Variants in DNM1 observed in about 807,000 individuals in gnomAD.
DNM1 encodes dynamin-1.
A neutral mutation model predicts 104.6 loss-of-function variants in DNM1; 29 were observed. The observed-to-expected ratio is 0.28, with a 90% CI of 0.21 to 0.38. The LOEUF (loss-of-function observed/expected upper bound fraction) is 0.38. Ranked by LOEUF, DNM1 falls within the 10% of genes least tolerant of loss-of-function variation. DNM1 has a pLI of 1.00. For missense variants in DNM1, 640 were observed against 1,189.4 expected (o/e 0.54, Z 6.79); for synonymous variants, 445 against 475.8 (o/e 0.94, Z 0.84).
Position 128,253,017 on chromosome 9 carries a change from C to A in DNM1, c.2535-1637C>A. ...CACAGCATGTGTGTGCACGCCCGGG[C>A]GTGTGCGTGTGTGTGTCCCCCACCC... On this transcript the variant is annotated intron_variant, in intron 21 of 21. Coordinates refer to ENST00000372923, the MANE Select transcript of DNM1 (RefSeq NM_004408.4). This position sits in a 1 kb window ranked among gnomAD's most constrained non-coding sequence, Gnocchi z 5.9. 2 of 1,358,954 alleles carry A rather than the reference C, an allele frequency of 1.5e-6. No homozygotes were observed. The highest frequency in any genetic ancestry group is 1.0e-6 in the Non-Finnish European group (1 of 954,118). The allele number at this position is 1,358,954 out of a possible 1,614,324, so 84.2% of individuals were successfully genotyped here. A position where few individuals can be genotyped will look rare whatever the true frequency, so the allele number is the denominator to read the frequency against.
chr9:128,230,512 G>A (rs190205763), intron 10 of DNM1, among the ~76,000 whole-genome samples: 14 of 148,534 alleles, frequency 9.4e-5, no homozygotes, highest in African/African-American at 2.0e-4. Flanking sequence ...GTGCAATGGC[G>A]CAATCTCGGC....
At chr9:128,234,179 C>A in intron 11 of DNM1, 72 bp downstream of exon 11, 2 of 1,279,054 alleles carry the variant, frequency 1.6e-6, no homozygotes, top group Non-Finnish European at 2.1e-6. Flanking sequence ...CCACTCCTGG[C>A]CCTGGGGTTG....
chr9:128,251,089 A>G, intron 21 of DNM1, 149 bp downstream of exon 21: 1 of 668,932 alleles, frequency 1.5e-6, no homozygotes, highest in East Asian at 2.9e-5. Context: ...GAGCCACGCC[A>G]CGTGTGGCCG....
chr9:128,221,869 C>T (rs534588658), intron 6 of DNM1, among the ~76,000 whole-genome samples: 2 of 152,198 alleles, frequency 1.3e-5, no homozygotes, highest in East Asian at 3.9e-4. Context: ...CATTGCACTC[C>T]AGCCTGGGTG....
At chr9:128,221,033 CTT>C (rs1834984654) in intron 6 of DNM1, 6 of 128,114 alleles carry the variant, frequency 4.7e-5, no homozygotes, top group African/African-American at 2.1e-4. Context: ...CTCTTTCTTT[CTT>C]TCTCTCTTTC....
In DNM1 at chr9:128,222,187, T is replaced by C. The variant is rs767943937; in HGVS notation, c.850-10T>C. 1 of 1,609,636 alleles carries C rather than the reference T, an allele frequency of 6.2e-7. No homozygotes were observed. Among genetic ancestry groups the C allele is most frequent in the Non-Finnish European group, 8.5e-7 (1 of 1,177,486 alleles). On this transcript the variant is annotated splice_polypyrimidine_tract_variant and intron_variant, in intron 6 of 21. Coordinates refer to ENST00000372923, the MANE Select transcript of DNM1 (RefSeq NM_004408.4). This position sits in a 1 kb window ranked among gnomAD's most constrained non-coding sequence, Gnocchi z 7.8. ...TCTGTCCTCAACCCTTTCCTCACCC[T>C]TACCCCCAGCAACTGACGAACCACA...
In DNM1 at chr9:128,246,243, G is replaced by C. The variant is rs1836808264; in HGVS notation, c.1672-151G>C. On this transcript the variant is annotated intron_variant, in intron 15 of 21. Transcript: ENST00000372923. ...GTCGGCGGTGCCCAGGAGGCCTACG[G>C]TCCGTGGCCAGGCTTTTATCTAGCT... 37 of 638,966 alleles carry C rather than the reference G, an allele frequency of 5.8e-5. 1 individual carries two copies. Among genetic ancestry groups the C allele is most frequent in the South Asian group, 5.8e-4 (33 of 57,288 alleles). 39.6% of individuals were successfully genotyped at this position (638,966 alleles called of 1,614,324 possible). A position where few individuals can be genotyped will look rare whatever the true frequency, so the allele number is the denominator to read the frequency against.
At chr9:128,251,452 C>CTGGGA in intron 21 of DNM1, 1 of 267,262 alleles carries the variant, frequency 3.7e-6, no homozygotes, top group Non-Finnish European at 7.5e-6. Flanking sequence ...TGTCCAGCCA[C>CTGGGA]TGGCCCACAG....
intron 1 of DNM1, among the ~76,000 whole-genome samples, chr9:128,215,052 G>A (rs1205481147): frequency 8.5e-5 from 13 of 152,246 alleles, no homozygotes; most frequent in Non-Finnish European, 1.8e-4. Flanking sequence ...CGCCTACTAC[G>A]TGCGGGGCCT....
At chr9:128,217,697 G>A (rs373508318) in intron 1 of DNM1, among the ~76,000 whole-genome samples, 5 of 152,140 alleles carry the variant, frequency 3.3e-5, no homozygotes, top group Non-Finnish European at 5.9e-5. Context: ...GATTACAGGC[G>A]TGAGCCACCG....
intron 6 of DNM1, among the ~76,000 whole-genome samples, chr9:128,221,857 G>A (rs566263324): frequency 7.2e-5 from 11 of 152,154 alleles, no homozygotes; most frequent in African/African-American, 1.9e-4. Context: ...CTGAGATCAC[G>A]CCATTGCACT....
chr9:128,255,180 GAC>G lies in DNM1; in HGVS notation c.*468_*469del, dbSNP rs1321860110. ...TGCTGTGCAGGCAGCCGTGTGGCCT[GAC>G]AGTTTCTACCAGTCCTGCTGTCCCT... On this transcript the variant is annotated 3_prime_UTR_variant, in exon 22 of 22. Coordinates refer to ENST00000372923, the MANE Select transcript of DNM1 (RefSeq NM_004408.4). The G allele has an allele frequency of 6.2e-6, 1 of 161,784 alleles. No homozygotes were observed. Among genetic ancestry groups the G allele is most frequent in the African/African-American group, 2.4e-5 (1 of 41,508 alleles). The allele number at this position is 161,784 out of a possible 1,614,324, so 10.0% of individuals were successfully genotyped here.
chr9:128,218,153 A>C lies in DNM1; in HGVS notation c.162-78A>C, dbSNP rs542007760. On this transcript the variant is annotated intron_variant, in intron 1 of 21. Coordinates refer to ENST00000372923, the MANE Select transcript of DNM1 (RefSeq NM_004408.4). The surrounding 1 kb of genome is among the most constrained non-coding windows in gnomAD (Gnocchi z 4.8). ...CTTTGGAAGGAGCTTTGGCTTTCCCAGGGGCCGGACAGGTACCCCTGGGAC... is the reference window on the plus strand; with the variant it reads ...CTTTGGAAGGAGCTTTGGCTTTCCCCGGGGCCGGACAGGTACCCCTGGGAC... 3 of 1,425,034 alleles carry C rather than the reference A, an allele frequency of 2.1e-6. No individual in the cohort carries two copies. In the South Asian group the frequency reaches 3.4e-5, roughly 16 times the overall value. The allele number at this position is 1,425,034 out of a possible 1,614,324, so 88.3% of individuals were successfully genotyped here.
chr9:128,232,936 C>T (rs529279474), intron 10 of DNM1, among the ~76,000 whole-genome samples: 1 of 152,328 alleles, frequency 6.6e-6, no homozygotes, highest in East Asian at 1.9e-4. Flanking sequence ...CCCAGCCCTG[C>T]CTCGGGGACA....
chr9:128,228,051 T>G (rs1285647586), intron 10 of DNM1, among the ~76,000 whole-genome samples: 1 of 151,504 alleles, frequency 6.6e-6, no homozygotes, highest in Non-Finnish European at 1.5e-5. Flanking sequence ...TTGTTTTTGG[T>G]TTTTTTTGAG....
At chr9:128,205,928 C>G (rs978583637) in intron 1 of DNM1, among the ~76,000 whole-genome samples, 3 of 152,122 alleles carry the variant, frequency 2.0e-5, no homozygotes, top group Non-Finnish European at 2.9e-5. Context: ...TGGCCGTTGT[C>G]CCCACAGGAG....
chr9:128,215,832 C>G lies in DNM1; in HGVS notation c.162-2399C>G, dbSNP rs140025698. 3.0e-3 allele frequency among the ~76,000 whole-genome samples: 458 copies of G among 152,264 alleles called. 1 individual carries two copies. The highest frequency in any genetic ancestry group is 0.011 in the African/African-American group (445 of 41,552). ...CCTCCTGCAGTTTCCATGGCAACTA[C>G]TGTTGCCATGGTGTTGCTGGTGAGG... On this transcript the variant is annotated intron_variant, in intron 1 of 21. Coordinates refer to ENST00000372923, the MANE Select transcript of DNM1 (RefSeq NM_004408.4).
intron 10 of DNM1, among the ~76,000 whole-genome samples, chr9:128,233,268 G>A (rs558629477): frequency 2.0e-5 from 3 of 152,334 alleles, no homozygotes; most frequent in Admixed American, 6.5e-5. Context: ...AGATGTGGCT[G>A]GGGATGGTGG....
chr9:128,246,595 C>T (rs1222142228), intron 16 of DNM1, 92 bp downstream of exon 16: 3 of 896,948 alleles, frequency 3.3e-6, no homozygotes, highest in Non-Finnish European at 5.5e-6. Context: ...AGGAGAGGAA[C>T]CTCCCCTAGG....
Sources: gnomAD v4.1 joint callset for allele counts (sites outside exome capture counted in the v4.1 genomes callset) on GRCh38, gnomAD v4.1.1 for gene constraint, Gnocchi (gnomAD v3.1) non-coding constraint, MANE v1.5 for transcripts, NCBI Gene and HGNC (gene_info 2026-07-23, HGNC 2026-07-21) for gene names.